MCC: variants seen among roughly 807,000 people sequenced by gnomAD.
MCC encodes colorectal mutant cancer protein.
MCC carries 90 observed loss-of-function variants against 116.2 expected under a neutral mutation model. That is an observed-to-expected ratio of 0.77 (90% CI 0.65 to 0.92). The LOEUF is 0.92. MCC is among the 40% of genes least tolerant of loss of function. The pLI, the probability that MCC is intolerant of heterozygous loss-of-function variation, is 0.00. For synonymous variants in MCC, 578 were observed against 510.5 expected, an observed-to-expected ratio of 1.13 and a Z score of -1.78; for missense variants, 1,516 against 1,312.2, an observed-to-expected ratio of 1.16 and a Z score of -2.40.
At chr5:113,449,795 G>C (rs1262809284) in intron 1 of MCC, among the ~76,000 whole-genome samples, 1 of 152,150 alleles carries the variant, frequency 6.6e-6, no homozygotes, top group Non-Finnish European at 1.5e-5. Flanking sequence ...GGGCACATTT[G>C]TCTAAACTGA....
At chr5:113,174,865 A>T (rs1298705512) in intron 3 of MCC, among the ~76,000 whole-genome samples, 1 of 152,196 alleles carries the variant, frequency 6.6e-6, no homozygotes, top group Non-Finnish European at 1.5e-5. Context: ...CTGGGATTAC[A>T]GGAGTGAGCC....
At position 113,081,579 on chromosome 5, in the gene MCC, T is replaced by C. The variant is rs190494816; in HGVS notation, c.1784+1281A>G. Among the ~76,000 whole-genome samples, 142 of 152,252 alleles carry C rather than the reference T, an allele frequency of 9.3e-4. 1 individual carries two copies. Among genetic ancestry groups the C allele is most frequent in the African/African-American group, 3.3e-3 (136 of 41,548 alleles). On this transcript the variant is annotated intron_variant, in intron 11 of 18. Coordinates refer to ENST00000408903, the MANE Select transcript of MCC (RefSeq NM_001085377.2). ...CTGTAGAGAGGAGATCCTCACTAAA[T>C]CGAGGTCCCCCTGAAGGCATCTGAC...
chr5:113,350,076 A>G lies in MCC; in HGVS notation c.416-9346T>C, dbSNP rs114782464. ...CAAAATGGAAAGATAATCCATGTTC[A>G]TGGACTGGAAGAACCAATATTGTTA... On this transcript the variant is annotated intron_variant, in intron 2 of 18. Coordinates refer to ENST00000408903, the MANE Select transcript of MCC (RefSeq NM_001085377.2). Among the ~76,000 whole-genome samples the G allele has an allele frequency of 8.4e-3, 1,277 of 152,238 alleles. 21 individuals are homozygous for G. The highest frequency in any genetic ancestry group is 0.029 in the African/African-American group (1,225 of 41,580).
At position 113,400,456 on chromosome 5, in the gene MCC, T is replaced by C. The variant is rs542644412; in HGVS notation, c.171-15244A>G. ...CTCTCTCTTAATTTGATGTTTCCTA[T>C]TGACACTGTAGTGAAAGAAAATACT... On this transcript the variant is annotated intron_variant, in intron 1 of 18. Transcript: ENST00000408903. Among the ~76,000 whole-genome samples, 12 of 152,236 alleles carry C rather than the reference T, an allele frequency of 7.9e-5. No individual in the cohort carries two copies. In the South Asian group the frequency reaches 2.3e-3, roughly 29 times the overall value.
intron 1 of MCC, chr5:113,433,941 G>A (rs952474850): frequency 6.2e-7 from 1 of 1,614,006 alleles, no homozygotes; most frequent in Non-Finnish European, 8.5e-7. Flanking sequence ...GCCAGGTTCG[G>A]GGGTCCACAA....
chr5:113,152,093 C>A (rs985028274), intron 3 of MCC, among the ~76,000 whole-genome samples: 2 of 152,148 alleles, frequency 1.3e-5, no homozygotes, highest in African/African-American at 4.8e-5. Context: ...ACAAATGACG[C>A]TGTGAAAAGA....
chr5:113,059,816 G>A (rs1449273865), intron 14 of MCC, among the ~76,000 whole-genome samples: 1 of 152,196 alleles, frequency 6.6e-6, no homozygotes, highest in Non-Finnish European at 1.5e-5. Flanking sequence ...GGGAATGCGG[G>A]GCTGGCTGGT....
chr5:113,057,910 C>A (rs1752947876), intron 14 of MCC, among the ~76,000 whole-genome samples: 1 of 152,232 alleles, frequency 6.6e-6, no homozygotes, highest in Non-Finnish European at 1.5e-5. Flanking sequence ...ACAGCCTCGA[C>A]ATGTTTAGAC....
At chr5:113,407,756 C>T (rs1249357054) in intron 1 of MCC, among the ~76,000 whole-genome samples, 4 of 152,104 alleles carry the variant, frequency 2.6e-5, no homozygotes, top group East Asian at 1.9e-4. Context: ...TTTTAAGCCC[C>T]GCATACATTA....
rs905783674 is a variant in MCC at position 113,340,097 on chromosome 5, T to G, written c.627+422A>C. ...CACAGTTTTCAACAGAAAATACTCT[T>G]AAAGTATAACCAGAAACAAGAAACC... is the stretch of plus-strand genomic sequence containing the variant. On this transcript the variant is annotated intron_variant, in intron 3 of 18. Transcript: ENST00000408903. 7.2e-5 allele frequency among the ~76,000 whole-genome samples: 11 copies of G among 152,370 alleles called. 1 individual carries two copies. The highest frequency in any genetic ancestry group is 5.8e-4 in the East Asian group (3 of 5,190).
intron 14 of MCC, among the ~76,000 whole-genome samples, chr5:113,061,285 C>T (rs766777106): frequency 6.6e-6 from 1 of 152,214 alleles, no homozygotes; most frequent in Non-Finnish European, 1.5e-5. Context: ...AGAGTACAGA[C>T]TTGCTGTGGC....
At chr5:113,341,298 C>T (rs956281495) in intron 2 of MCC, among the ~76,000 whole-genome samples, 2 of 151,708 alleles carry the variant, frequency 1.3e-5, no homozygotes, top group African/African-American at 2.4e-5. Flanking sequence ...GTTGTGATCA[C>T]GGCTCATTGT....
intron 11 of MCC, among the ~76,000 whole-genome samples, chr5:113,080,675 G>A (rs1449635401): frequency 6.6e-6 from 1 of 152,110 alleles, no homozygotes; most frequent in Non-Finnish European, 1.5e-5. Context: ...AGCGGGGAGG[G>A]ATAGCATTAG....
At chr5:113,406,179 A>G (rs1769828486) in intron 1 of MCC, among the ~76,000 whole-genome samples, 1 of 152,208 alleles carries the variant, frequency 6.6e-6, no homozygotes, top group Non-Finnish European at 1.5e-5. Context: ...CATCCTGAGA[A>G]ATTATGATGA....
intron 11 of MCC, among the ~76,000 whole-genome samples, chr5:113,075,595 C>T (rs1203868566): frequency 4.6e-5 from 7 of 152,184 alleles, no homozygotes; most frequent in East Asian, 3.9e-4. Flanking sequence ...TTTGTAAATG[C>T]ACCAGTCAGC....
At chr5:113,469,117 C>T (rs10063313) in intron 1 of MCC, among the ~76,000 whole-genome samples, 109,857 of 151,982 alleles carry the variant, frequency 0.72, 40,149 homozygotes, top group East Asian at 0.88. Flanking sequence ...ATTTTGTTGA[C>T]CTTTTCAAAA....
intron 3 of MCC, among the ~76,000 whole-genome samples, chr5:113,273,303 G>C (rs141900409): frequency 6.6e-6 from 1 of 152,144 alleles, no homozygotes; most frequent in African/African-American, 2.4e-5. Context: ...GGGGTCAGAG[G>C]TTTCCCACTT....
intron 3 of MCC, among the ~76,000 whole-genome samples, chr5:113,256,167 C>CATAGTTTAGAT (rs1561488687): frequency 2.1e-3 from 316 of 152,308 alleles, no homozygotes; most frequent in African/African-American, 7.2e-3. Flanking sequence ...TTTAGCTGCA[C>CATAGTTTAGAT]CAACCCTATC....
At chr5:113,111,903 A>G (rs935802359) in intron 6 of MCC, among the ~76,000 whole-genome samples, 2 of 152,206 alleles carry the variant, frequency 1.3e-5, no homozygotes, top group African/African-American at 4.8e-5. Flanking sequence ...ACTCAGGATC[A>G]GCTATGCCTA....
Sources: allele counts gnomAD v4.1 joint callset (sites outside exome capture counted in the v4.1 genomes callset), GRCh38; gene constraint gnomAD v4.1.1; transcripts MANE v1.5; gene names NCBI Gene and HGNC (gene_info 2026-07-23, HGNC 2026-07-21).